The following TACC1 variants were observed in gnomAD, a reference collection of about 807,000 sequenced individuals.
TACC1 encodes the protein transforming acidic coiled-coil containing protein 1.
A neutral mutation model predicts 84.4 loss-of-function variants in TACC1; 48 were observed. That is an observed-to-expected ratio of 0.57 (90% CI 0.45 to 0.72). TACC1 has a LOEUF of 0.72. Among genes scored for constraint, TACC1 ranks in the 30% least tolerant of loss-of-function variants. TACC1 has a pLI of 0.00. For synonymous variants in TACC1, 372 were observed against 376.3 expected, an observed-to-expected ratio of 0.99 and a Z score of 0.13; for missense variants, 920 against 973.0, an observed-to-expected ratio of 0.95 and a Z score of 0.72.
chr8:38,809,129 C>T (rs1166672371), intron 2 of TACC1, among the ~76,000 whole-genome samples: 1 of 152,104 alleles, frequency 6.6e-6, no homozygotes, highest in Non-Finnish European at 1.5e-5. Flanking sequence ...CTTCTGCATT[C>T]CACCATGACA....
intron 1 of TACC1, among the ~76,000 whole-genome samples, chr8:38,741,715 A>G (rs1425322447): frequency 2.0e-5 from 3 of 152,188 alleles, no homozygotes; most frequent in African/African-American, 7.2e-5. Context: ...CCATGTTTCA[A>G]TACCCAAACA....
chr8:38,790,360 A>G (rs568402500), intron 2 of TACC1, among the ~76,000 whole-genome samples: 8 of 152,364 alleles, frequency 5.3e-5, no homozygotes, highest in African/African-American at 1.7e-4. Context: ...CATAGGTACT[A>G]GGAGTTGGGA....
chr8:38,835,223 T>C (rs904899745), intron 6 of TACC1, among the ~76,000 whole-genome samples: 4 of 149,164 alleles, frequency 2.7e-5, no homozygotes, highest in African/African-American at 5.0e-5. Flanking sequence ...CACTGCACTC[T>C]AGCCTGGGCC....
chr8:38,790,317 T>C (rs1818343940), intron 2 of TACC1, among the ~76,000 whole-genome samples: 1 of 152,180 alleles, frequency 6.6e-6, no homozygotes, highest in African/African-American at 2.4e-5. Context: ...TGGTAACATC[T>C]TCAGAGATAC....
At chr8:38,787,984 T>A (rs1817688708) in intron 1 of TACC1, 1 of 505,226 alleles carries the variant, frequency 2.0e-6, no homozygotes, top group East Asian at 3.6e-5. Flanking sequence ...CTGCAGTCTC[T>A]CCGCATCCCC....
At chr8:38,828,702 T>G (rs984078087) in intron 5 of TACC1, among the ~76,000 whole-genome samples, 3 of 152,180 alleles carry the variant, frequency 2.0e-5, no homozygotes, top group African/African-American at 7.2e-5. Context: ...ATGGCCTGCT[T>G]CAGGAAAGGG....
At chr8:38,804,571 G>C (rs1189246420) in intron 2 of TACC1, among the ~76,000 whole-genome samples, 1 of 152,148 alleles carries the variant, frequency 6.6e-6, no homozygotes, top group African/African-American at 2.4e-5. Flanking sequence ...AAAGTGCTGG[G>C]ATTACAGGCG....
chr8:38,842,464 C>T lies in TACC1; in HGVS notation c.2121+17C>T. ...TTCAAGAAGGTAGAGTGTTTTTTCC[C>T]TCTGTCTCCTGGTGTATTTCCAGTA... On this transcript the variant is annotated intron_variant, in intron 10 of 12. Coordinates refer to ENST00000317827, the MANE Select transcript of TACC1 (RefSeq NM_006283.3). 2 of 1,593,980 alleles carry T rather than the reference C, an allele frequency of 1.3e-6. No homozygotes were observed. The highest frequency in any genetic ancestry group is 1.7e-4 in the Middle Eastern group (1 of 5,832).
chr8:38,736,629 T>C (rs188643448), intron 1 of TACC1, among the ~76,000 whole-genome samples: 1 of 152,100 alleles, frequency 6.6e-6, no homozygotes, highest in African/African-American at 2.4e-5. Context: ...AACAAAAGAA[T>C]AAGATAATGA....
At chr8:38,778,276 G>GTA (rs1815233919) in intron 3 of TACC1, among the ~76,000 whole-genome samples, 1 of 149,604 alleles carries the variant, frequency 6.7e-6, no homozygotes, top group Non-Finnish European at 1.5e-5. Context: ...AATTAAAATT[G>GTA]TGTGTGTGTG....
At chr8:38,733,688 G>C (rs553410439) in intron 1 of TACC1, among the ~76,000 whole-genome samples, 129 of 152,072 alleles carry the variant, frequency 8.5e-4, no homozygotes, top group African/African-American at 2.8e-3. Flanking sequence ...TGGGTGCCCA[G>C]AGCCCTCTCC....
At chr8:38,793,654 G>A (rs537758538) in intron 2 of TACC1, among the ~76,000 whole-genome samples, 21 of 152,136 alleles carry the variant, frequency 1.4e-4, no homozygotes, top group Admixed American at 1.4e-3. Context: ...TGTTGCCCAG[G>A]CTGATCTTGA....
intron 2 of TACC1, among the ~76,000 whole-genome samples, chr8:38,744,346 C>G (rs1807653733): frequency 6.6e-6 from 1 of 152,126 alleles, no homozygotes; most frequent in African/African-American, 2.4e-5. Context: ...GAACTCCTGA[C>G]CTCAGGTGAT....
intron 8 of TACC1, chr8:38,840,018 A>AAAAG (rs1371422723): frequency 8.7e-6 from 3 of 346,224 alleles, no homozygotes; most frequent in Non-Finnish European, 1.6e-5. Flanking sequence ...ATAAAATCTT[A>AAAAG]ACAAAAACCT....
rs1829967651 is a variant in TACC1, at chr8:38,835,113, G to A, written c.1714-1049G>A. Among the ~76,000 whole-genome samples, 4 of 152,060 alleles carry A rather than the reference G, an allele frequency of 2.6e-5. 1 individual carries two copies. Among genetic ancestry groups the A allele is most frequent in the Admixed American group, 2.6e-4 (4 of 15,272 alleles). On this transcript the variant is annotated intron_variant, in intron 6 of 12. Coordinates refer to ENST00000317827, the MANE Select transcript of TACC1 (RefSeq NM_006283.3). ...CTAAAAATACAGAAAAATTAGCCGG[G>A]CGTGGTGGCGGGCACCTGTAGTCCC...
chr8:38,804,159 G>A lies in TACC1; in HGVS notation c.277+15340G>A, dbSNP rs539855628. The stretch of plus-strand genomic sequence containing the variant: ...GTAATGTTTATGGAAGTGCTTTGAA[G>A]GCTATATAAGTATGAAGTATTTTAT... On this transcript the variant is annotated intron_variant, in intron 2 of 12. Coordinates refer to ENST00000317827, the MANE Select transcript of TACC1 (RefSeq NM_006283.3). Among the ~76,000 whole-genome samples, 18 of 152,244 alleles carry A rather than the reference G, an allele frequency of 1.2e-4. No homozygotes were observed. The East Asian group carries it at 2.5e-3, about 21-fold the overall frequency.
chr8:38,846,200 C>T (rs992554279), intron 11 of TACC1: 3 of 137,386 alleles, frequency 2.2e-5, no homozygotes, highest in Admixed American at 8.2e-5. Flanking sequence ...AGGAGAATGG[C>T]GTGAACCCGG....
chr8:38,819,582 C>T lies in TACC1; in HGVS notation c.338C>T (p.Thr113Ile). 6.2e-7 allele frequency: 1 copy of T among 1,614,232 alleles called. No individual in the cohort carries two copies. Among genetic ancestry groups the T allele is most frequent in the Non-Finnish European group, 8.5e-7 (1 of 1,180,040 alleles). ...AEVVEKCSSK[T>I]CSKPSENEVP... Reference sequence around the variant, plus strand: ...GTGGTTGAAAAATGTTCATCTAAGACTTGTTCTAAACCTTCAGAAAATGAA... The same window carrying T: ...GTGGTTGAAAAATGTTCATCTAAGATTTGTTCTAAACCTTCAGAAAATGAA... The change falls in exon 3 of 13, where the codon ACT becomes ATT. Residue 113 changes from threonine to isoleucine, a missense_variant. Thr to Ile is a moderately conservative substitution (Grantham distance 89). Coordinates refer to ENST00000317827, the MANE Select transcript of TACC1 (RefSeq NM_006283.3).
intron 2 of TACC1, among the ~76,000 whole-genome samples, chr8:38,798,188 A>G (rs1331223281): frequency 9.2e-5 from 14 of 151,420 alleles, no homozygotes; most frequent in Admixed American, 7.2e-4. Flanking sequence ...TGGTGGTACA[A>G]TCATAGCTCA....
Sources: allele counts gnomAD v4.1 joint callset (sites outside exome capture counted in the v4.1 genomes callset), GRCh38; gene constraint gnomAD v4.1.1; transcripts MANE v1.5; gene names NCBI Gene and HGNC (gene_info 2026-07-23, HGNC 2026-07-21).